RORB: variants seen among roughly 807,000 people sequenced by gnomAD.
The protein encoded by RORB is RAR related orphan receptor B.
In RORB, 6 loss-of-function variants were observed where a neutral mutation model predicts 59.1. That is an observed-to-expected ratio of 0.10 (90% CI 0.06 to 0.20). RORB has a LOEUF of 0.20. RORB is among the 10% of genes least tolerant of loss of function. The pLI is 1.00. For missense variants in RORB, 320 were observed against 560.5 expected, an observed-to-expected ratio of 0.57 and a Z score of 4.33; for synonymous variants, 215 against 204.5, an observed-to-expected ratio of 1.05 and a Z score of -0.44.
intron 1 of RORB, among the ~76,000 whole-genome samples, chr9:74,511,521 G>A (rs533326451): frequency 4.0e-5 from 6 of 151,258 alleles, no homozygotes; most frequent in East Asian, 1.9e-4. Context: ...ACAGTGACCC[G>A]GGCCTGTGGT....
chr9:74,591,002 AAC>A (rs1822881484), intron 1 of RORB, among the ~76,000 whole-genome samples: 1 of 152,070 alleles, frequency 6.6e-6, no homozygotes, highest in South Asian at 2.1e-4. Flanking sequence ...TCACCATGTT[AAC>A]CAGGATAGTC....
intron 1 of RORB, among the ~76,000 whole-genome samples, chr9:74,548,631 G>T (rs534550639): frequency 6.6e-6 from 1 of 152,268 alleles, no homozygotes; most frequent in Admixed American, 6.5e-5. Flanking sequence ...GTGGCTTCTT[G>T]CTCCCTAGAG....
intron 9 of RORB, among the ~76,000 whole-genome samples, chr9:74,682,410 G>A (rs1165147020): frequency 1.3e-5 from 2 of 151,506 alleles, no homozygotes; most frequent in Non-Finnish European, 2.9e-5. Context: ...TTGTGCACAT[G>A]TACCCTAAAA....
At chr9:74,510,538 T>C (rs1825923061) in intron 1 of RORB, among the ~76,000 whole-genome samples, 1 of 152,134 alleles carries the variant, frequency 6.6e-6, no homozygotes, top group Non-Finnish European at 1.5e-5. Context: ...TTAAAATTTA[T>C]AATAATCTCT....
intron 1 of RORB, among the ~76,000 whole-genome samples, chr9:74,585,509 C>A (rs908378471): frequency 3.3e-5 from 5 of 152,114 alleles, no homozygotes; most frequent in African/African-American, 1.2e-4. Context: ...AAATGTAGTG[C>A]CTTTTGGTAA....
At chr9:74,605,201 T>A (rs1368348980) in intron 1 of RORB, among the ~76,000 whole-genome samples, 1 of 152,162 alleles carries the variant, frequency 6.6e-6, no homozygotes, top group Non-Finnish European at 1.5e-5. Context: ...AAAATGGTAA[T>A]GATGAAAATG....
At chr9:74,536,315 G>A (rs1826321509) in intron 1 of RORB, among the ~76,000 whole-genome samples, 1 of 151,866 alleles carries the variant, frequency 6.6e-6, no homozygotes, top group Admixed American at 6.6e-5. Flanking sequence ...GGAGGGAAGA[G>A]GAGAAGGAGA....
At chr9:74,571,615 A>T (rs1185074018) in intron 1 of RORB, among the ~76,000 whole-genome samples, 1 of 152,140 alleles carries the variant, frequency 6.6e-6, no homozygotes, top group Admixed American at 6.6e-5. Context: ...AGAGCACCTA[A>T]TATTACTCAA....
At position 74,602,348 on chromosome 9, in the gene RORB, T is replaced by C. The variant is rs1254547536; in HGVS notation, c.8-27934T>C. On this transcript the variant is annotated intron_variant, in intron 1 of 9. Coordinates refer to ENST00000376896, the MANE Select transcript of RORB (RefSeq NM_006914.4). ...AAGCAATGACTAAATGAATGAATCC[T>C]ATATTGTTGTTTTAAAGAATAAATG... Among the ~76,000 whole-genome samples, 5 of 152,210 alleles carry C rather than the reference T, an allele frequency of 3.3e-5. No individual in the cohort carries two copies. The East Asian group carries it at 9.6e-4, about 29-fold the overall frequency.
intron 1 of RORB, among the ~76,000 whole-genome samples, chr9:74,613,548 TC>T (rs1823264841): frequency 6.6e-6 from 1 of 152,088 alleles, no homozygotes; most frequent in African/African-American, 2.4e-5. Flanking sequence ...TGTTTAAAAT[TC>T]CAGATGCCTT....
intron 2 of RORB, among the ~76,000 whole-genome samples, chr9:74,634,060 C>A (rs1293565259): frequency 3.6e-5 from 5 of 139,226 alleles, no homozygotes; most frequent in Non-Finnish European, 6.1e-5. Context: ...AACAGCATAG[C>A]AAGACACCTC....
chr9:74,611,278 T>C (rs1205081219), intron 1 of RORB, among the ~76,000 whole-genome samples: 4 of 151,978 alleles, frequency 2.6e-5, no homozygotes, highest in African/African-American at 4.8e-5. Flanking sequence ...ACCTAAACCA[T>C]TGGGACAACA....
Position 74,646,127 on chromosome 9 carries a change from AC to A in RORB, c.637+3314del, listed in dbSNP as rs1485721488. On this transcript the variant is annotated intron_variant, in intron 4 of 9. Coordinates refer to ENST00000376896, the MANE Select transcript of RORB (RefSeq NM_006914.4). Reference sequence around the variant, plus strand: ...CTGGGTGAATTTGAGATTATGTCACACCAAAAAAAAAAAAAATTTAACATCA... The same window carrying A: ...CTGGGTGAATTTGAGATTATGTCACACAAAAAAAAAAAAAATTTAACATCA... Among the ~76,000 whole-genome samples, 23 of 37,332 alleles carry A rather than the reference AC, an allele frequency of 6.2e-4. No homozygotes were observed. In the South Asian group the frequency reaches 0.012, roughly 19 times the overall value. The allele number at this position is 37,332 out of a possible 152,430, so 24.5% of individuals were successfully genotyped here.
At chr9:74,521,908 G>A (rs1826090470) in intron 1 of RORB, among the ~76,000 whole-genome samples, 1 of 151,846 alleles carries the variant, frequency 6.6e-6, no homozygotes, top group African/African-American at 2.4e-5. Flanking sequence ...AAGCAACATT[G>A]CTGCAGTTTT....
chr9:74,520,561 C>A (rs1293286205), intron 1 of RORB, among the ~76,000 whole-genome samples: 2 of 151,688 alleles, frequency 1.3e-5, no homozygotes, highest in Non-Finnish European at 2.9e-5. Flanking sequence ...CTACTAGGTT[C>A]TTTTTTAATT....
rs539073026 is a variant in RORB at position 74,623,443 on chromosome 9, T to C, written c.8-6839T>C. On this transcript the variant is annotated intron_variant, in intron 1 of 9. Transcript: ENST00000376896. ...TTAGTGGCCAGAGTTTTCTCTCTCTTTTTTTTTTTTTATTTTCTTCTAATC... is the reference window on the plus strand; with the variant it reads ...TTAGTGGCCAGAGTTTTCTCTCTCTCTTTTTTTTTTTATTTTCTTCTAATC... Among the ~76,000 whole-genome samples the C allele has an allele frequency of 2.0e-5, 3 of 150,480 alleles. No homozygotes were observed. The East Asian group carries it at 5.8e-4, about 29-fold the overall frequency.
chr9:74,565,902 T>G (rs1822462125), intron 1 of RORB, among the ~76,000 whole-genome samples: 1 of 152,192 alleles, frequency 6.6e-6, no homozygotes, highest in African/African-American at 2.4e-5. Context: ...AAAACTTCCC[T>G]GATTAATGAC....
intron 1 of RORB, among the ~76,000 whole-genome samples, chr9:74,567,182 C>T (rs1368582399): frequency 3.9e-5 from 6 of 152,064 alleles, no homozygotes; most frequent in Admixed American, 3.3e-4. Flanking sequence ...CACACCACCA[C>T]ACCCGGCTAA....
intron 5 of RORB, among the ~76,000 whole-genome samples, chr9:74,661,581 C>T (rs1448741256): frequency 6.8e-6 from 1 of 147,328 alleles, no homozygotes; most frequent in Admixed American, 6.8e-5. Flanking sequence ...TTCTACTGAA[C>T]TTAGGTGAAT....
Sources: allele counts gnomAD v4.1 joint callset (sites outside exome capture counted in the v4.1 genomes callset), GRCh38; gene constraint gnomAD v4.1.1; transcripts MANE v1.5; gene names NCBI Gene and HGNC (gene_info 2026-07-23, HGNC 2026-07-21).